The following RANBP2 variants were observed in gnomAD, a reference collection of about 807,000 sequenced individuals.
The protein encoded by RANBP2 is E3 SUMO-protein ligase RanBP2.
A neutral mutation model predicts 303.6 loss-of-function variants in RANBP2; 57 were observed. The observed-to-expected ratio is 0.19, with a 90% CI of 0.15 to 0.23. The LOEUF (loss-of-function observed/expected upper bound fraction) is 0.23. Ranked by LOEUF, RANBP2 falls within the 10% of genes least tolerant of loss-of-function variation. The probability of loss-of-function intolerance (pLI) is 1.00; values close to 1 mark genes in which losing one functional copy is unlikely to be tolerated. For synonymous variants in RANBP2, 1,167 were observed against 1,301.5 expected, an observed-to-expected ratio of 0.90 and a Z score of 2.23; for missense variants, 3,138 against 3,780.8, an observed-to-expected ratio of 0.83 and a Z score of 4.46.
the RANBP2 span, among the ~76,000 whole-genome samples, chr2:109,719,785 G>T: frequency 6.6e-6 from 1 of 152,160 alleles, no homozygotes; most frequent in African/African-American, 2.4e-5. Flanking sequence ...TCAACAAGGG[G>T]TCTGCTTAGA....
chr2:108,759,057 C>G (rs1197920204), intron 18 of RANBP2, among the ~76,000 whole-genome samples: 1 of 150,040 alleles, frequency 6.7e-6, no homozygotes, highest in Non-Finnish European at 1.5e-5. Flanking sequence ...GATAACCTGT[C>G]TGAAACGTGG....
the RANBP2 span, among the ~76,000 whole-genome samples, chr2:109,002,495 A>AT: frequency 6.6e-6 from 1 of 152,064 alleles, no homozygotes; most frequent in African/African-American, 2.4e-5. Flanking sequence ...TCACCTCCAC[A>AT]TTTAAGACTT....
chr2:108,735,071 T>TA (rs752356235), intron 4 of RANBP2, among the ~76,000 whole-genome samples: 1 of 149,956 alleles, frequency 6.7e-6, no homozygotes, highest in Non-Finnish European at 1.5e-5. Flanking sequence ...CCTGAGATGA[T>TA]ACTGTCTTCA....
chr2:108,934,419 A>G, the RANBP2 span, among the ~76,000 whole-genome samples: 1 of 152,144 alleles, frequency 6.6e-6, no homozygotes, highest in East Asian at 1.9e-4. Flanking sequence ...CTGCTGGGGT[A>G]TGAGACCAAG....
chr2:109,131,902 G>A, the RANBP2 span, among the ~76,000 whole-genome samples: 1 of 152,286 alleles, frequency 6.6e-6, no homozygotes, highest in East Asian at 1.9e-4. Flanking sequence ...AGTCCCGCAT[G>A]GTGTATTCAC....
At chr2:108,954,886 G>C in the RANBP2 span, among the ~76,000 whole-genome samples, 1 of 151,996 alleles carries the variant, frequency 6.6e-6, no homozygotes, top group Non-Finnish European at 1.5e-5. Context: ...ATTTCACCAC[G>C]TTGGCCAGGC....
chr2:109,098,641 T>C, the RANBP2 span, among the ~76,000 whole-genome samples: 1 of 152,246 alleles, frequency 6.6e-6, no homozygotes, highest in Non-Finnish European at 1.5e-5. Context: ...TCCTATTTCA[T>C]GGAATGGAGT....
chr2:109,259,692 G>T, the RANBP2 span, among the ~76,000 whole-genome samples: 1 of 152,218 alleles, frequency 6.6e-6, no homozygotes, highest in African/African-American at 2.4e-5. Flanking sequence ...ACGGCCTACG[G>T]AAGAAGAATT....
chr2:108,735,481 A>C, intron 4 of RANBP2, 51 bp from the exon 5 acceptor site: 1 of 1,597,228 alleles, frequency 6.3e-7, no homozygotes. Flanking sequence ...TGACTTGTTT[A>C]AAATTGCACA....
the RANBP2 span, among the ~76,000 whole-genome samples, chr2:109,153,659 T>C: frequency 1.3e-5 from 2 of 152,066 alleles, no homozygotes; most frequent in South Asian, 2.1e-4. Context: ...ACCCCAGTTA[T>C]TTTATTTCTG....
chr2:109,164,912 C>T, the RANBP2 span, among the ~76,000 whole-genome samples: 7 of 152,366 alleles, frequency 4.6e-5, no homozygotes, highest in African/African-American at 1.7e-4. Context: ...GGTCATGACA[C>T]TACAACTGGA....
In RANBP2 at chr2:108,753,232, A is replaced by C. The variant is rs1676045163; in HGVS notation, c.1917+73A>C. 3.1e-6 allele frequency: 5 copies of C among 1,608,816 alleles called. No individual in the cohort carries two copies. In the Admixed American group the frequency reaches 5.0e-5, roughly 16 times the overall value. ...TATAAACAAAGACATAGAGCTATAC[A>C]CTGCTTAAATTAATTGCCTTGTTAT... On this transcript the variant is annotated intron_variant, in intron 13 of 28. Coordinates refer to ENST00000283195, the MANE Select transcript of RANBP2 (RefSeq NM_006267.5).
chr2:109,566,424 G>A, the RANBP2 span, among the ~76,000 whole-genome samples: 1 of 151,988 alleles, frequency 6.6e-6, no homozygotes, highest in African/African-American at 2.4e-5. Context: ...TTATAGGTGT[G>A]AGCCACCACA....
chr2:109,041,191 A>T, the RANBP2 span, among the ~76,000 whole-genome samples: 3 of 152,242 alleles, frequency 2.0e-5, no homozygotes, highest in Non-Finnish European at 2.9e-5. Flanking sequence ...TGCTAAACAC[A>T]GTTATTCATC....
At chr2:109,276,150 G>A in the RANBP2 span, among the ~76,000 whole-genome samples, 1 of 152,204 alleles carries the variant, frequency 6.6e-6, no homozygotes, top group African/African-American at 2.4e-5. Context: ...ACGAGGGTTC[G>A]AGTTAGGAGC....
chr2:108,990,211 CATG>C, the RANBP2 span, among the ~76,000 whole-genome samples: 1 of 151,522 alleles, frequency 6.6e-6, no homozygotes, highest in Non-Finnish European at 1.5e-5. Flanking sequence ...GCGGGTGGAT[CATG>C]AGGTCAGGAG....
the RANBP2 span, among the ~76,000 whole-genome samples, chr2:108,793,778 A>G: frequency 2.7e-5 from 4 of 148,418 alleles, no homozygotes; most frequent in Non-Finnish European, 6.0e-5. Flanking sequence ...TTTTTTTTGT[A>G]TTTTTAGTAG....
chr2:109,149,176 T>C, the RANBP2 span, among the ~76,000 whole-genome samples: 1 of 152,238 alleles, frequency 6.6e-6, no homozygotes, highest in Admixed American at 6.5e-5. Flanking sequence ...TGGGCAGGAC[T>C]CAGGGCAGGG....
chr2:109,343,872 T>G, the RANBP2 span, among the ~76,000 whole-genome samples: 1 of 151,854 alleles, frequency 6.6e-6, no homozygotes, highest in Admixed American at 6.6e-5. Flanking sequence ...AGCCTCCCAA[T>G]AGCTGAGACT....
Sources: gnomAD v4.1 joint callset for allele counts (sites outside exome capture counted in the v4.1 genomes callset) on GRCh38, gnomAD v4.1.1 for gene constraint, MANE v1.5 for transcripts, NCBI Gene and HGNC (gene_info 2026-07-23, HGNC 2026-07-21) for gene names.